PIEZO2: variants seen among roughly 807,000 people sequenced by gnomAD.
The protein encoded by PIEZO2 is piezo type mechanosensitive ion channel component 2, also known as piezo-type mechanosensitive ion channel component 2.
In PIEZO2, 172 loss-of-function variants were observed where a neutral mutation model predicts 337.3. The ratio of observed to expected loss-of-function variants is 0.51; its 90% CI spans 0.45 to 0.58. The LOEUF (loss-of-function observed/expected upper bound fraction) is 0.58. Ranked by LOEUF, PIEZO2 falls within the 20% of genes least tolerant of loss-of-function variation. PIEZO2 has a pLI of 0.00. For synonymous variants in PIEZO2, 1,251 were observed against 1,228.5 expected, an observed-to-expected ratio of 1.02 and a Z score of -0.38; for missense variants, 3,028 against 3,391.3, an observed-to-expected ratio of 0.89 and a Z score of 2.66.
At chr18:10,779,809 T>C (rs1450050092) in intron 18 of PIEZO2, among the ~76,000 whole-genome samples, 5 of 152,128 alleles carry the variant, frequency 3.3e-5, no homozygotes, top group South Asian at 2.1e-4. Flanking sequence ...CTGAGAAGGT[T>C]ATGCCCCTAC....
intron 1 of PIEZO2, among the ~76,000 whole-genome samples, chr18:11,088,158 G>T (rs1430645218): frequency 6.6e-6 from 1 of 152,156 alleles, no homozygotes; most frequent in East Asian, 1.9e-4. Context: ...ATAAGCCCCT[G>T]CAGGCAGAGA....
intron 2 of PIEZO2, among the ~76,000 whole-genome samples, chr18:10,984,981 CCTGTCA>C (rs1374342972): frequency 2.0e-5 from 3 of 152,036 alleles, no homozygotes; most frequent in Non-Finnish European, 2.9e-5. Context: ...GAATACTATA[CCTGTCA>C]AAGCTGTTCT....
intron 7 of PIEZO2, among the ~76,000 whole-genome samples, chr18:10,816,892 T>G (rs1274319696): frequency 6.6e-6 from 1 of 152,088 alleles, no homozygotes. Context: ...CTCACTGCAG[T>G]TTTATTGTAT....
At chr18:10,928,104 G>A (rs1031062252) in intron 3 of PIEZO2, among the ~76,000 whole-genome samples, 3 of 152,132 alleles carry the variant, frequency 2.0e-5, no homozygotes, top group Non-Finnish European at 2.9e-5. Context: ...AAAGCAATAC[G>A]TGAAGGCTCA....
rs1420766277 is a variant in PIEZO2, at chr18:11,002,848, T to A, written c.161-23188A>T. ...CAATAAAATGGCTTTTCTCACACAT[T>A]TTCATGGTCCTCCATGGGCAGGTTC... On this transcript the variant is annotated intron_variant, in intron 2 of 55. Coordinates refer to ENST00000674853, the MANE Select transcript of PIEZO2 (RefSeq NM_001378183.1). This position sits in a 1 kb window ranked among gnomAD's most constrained non-coding sequence, Gnocchi z 4.3. Among the ~76,000 whole-genome samples the A allele has an allele frequency of 1.3e-5, 2 of 152,148 alleles. No homozygotes were observed. Among genetic ancestry groups the A allele is most frequent in the Non-Finnish European group, 2.9e-5 (2 of 68,028 alleles).
At chr18:10,960,175 A>G (rs972985706) in intron 3 of PIEZO2, among the ~76,000 whole-genome samples, 2 of 152,160 alleles carry the variant, frequency 1.3e-5, no homozygotes, top group African/African-American at 2.4e-5. Flanking sequence ...AAAATGCCAA[A>G]CCAACATAGT....
Position 10,720,363 on chromosome 18 carries a change from C to G in PIEZO2, c.5030-2104G>C, listed in dbSNP as rs11661313. On this transcript the variant is annotated intron_variant, in intron 36 of 55. Coordinates refer to ENST00000674853, the MANE Select transcript of PIEZO2 (RefSeq NM_001378183.1). ...CTCATATATATGTCCTATATATATT[C>G]TGTGTGTGTGTGTGTGTGTGTGTGT... 1.4e-3 allele frequency among the ~76,000 whole-genome samples: 78 copies of G among 56,286 alleles called. 1 individual carries two copies. The highest frequency in any genetic ancestry group is 5.0e-3 in the Admixed American group (17 of 3,376). 36.9% of individuals were successfully genotyped at this position (56,286 alleles called of 152,430 possible).
At position 10,866,868 on chromosome 18, in the gene PIEZO2, TA is replaced by T. The variant is rs2042020959; in HGVS notation, c.492+4384del. ...TAATGGCATCTAAAACTACTAGGAG[TA>T]AAACCTTTGTCCAAATTGTGAAAGT... On this transcript the variant is annotated intron_variant, in intron 5 of 55. Coordinates refer to ENST00000674853, the MANE Select transcript of PIEZO2 (RefSeq NM_001378183.1). Among the ~76,000 whole-genome samples the T allele has an allele frequency of 2.0e-5, 3 of 152,238 alleles. No individual in the cohort carries two copies. In the East Asian group the frequency reaches 5.8e-4, roughly 29 times the overall value.
chr18:10,827,458 T>C (rs1411646499), intron 7 of PIEZO2, among the ~76,000 whole-genome samples: 3 of 152,220 alleles, frequency 2.0e-5, no homozygotes, highest in African/African-American at 7.2e-5. Flanking sequence ...TGTTTAATAA[T>C]CAAAATCAAC....
At position 10,766,191 on chromosome 18, in the gene PIEZO2, A is replaced by C. The variant is rs544440488; in HGVS notation, c.2947-3093T>G. ...TGATCTCATCATTTTCCTGATGGTA[A>C]GAATCTCGTGGAAGGAAAGAAGAAG... is the stretch of plus-strand genomic sequence containing the variant. On this transcript the variant is annotated intron_variant, in intron 21 of 55. Transcript: ENST00000674853. This position sits in a 1 kb window ranked among gnomAD's most constrained non-coding sequence, Gnocchi z 6.1. Among the ~76,000 whole-genome samples, 26 of 151,736 alleles carry C rather than the reference A, an allele frequency of 1.7e-4. 3 individuals are homozygous for C. The South Asian group carries it at 5.4e-3, about 32-fold the overall frequency.
chr18:11,099,069 G>T lies in PIEZO2; in HGVS notation c.65-32847C>A, dbSNP rs140225388. Among the ~76,000 whole-genome samples the T allele has an allele frequency of 1.8e-3, 267 of 151,518 alleles. 1 individual carries two copies. The highest frequency in any genetic ancestry group is 3.1e-3 in the Non-Finnish European group (210 of 67,928). ...TCCTCTTGCCTCAGCCTCCCAAAGT[G>T]CTGGGATTACAGGCATCAGCCACTG... On this transcript the variant is annotated intron_variant, in intron 1 of 55. Coordinates refer to ENST00000674853, the MANE Select transcript of PIEZO2 (RefSeq NM_001378183.1). This position sits in a 1 kb window ranked among gnomAD's most constrained non-coding sequence, Gnocchi z 5.4.
chr18:11,123,513 A>G (rs1286466776), intron 1 of PIEZO2, among the ~76,000 whole-genome samples: 2 of 152,162 alleles, frequency 1.3e-5, no homozygotes, highest in African/African-American at 4.8e-5. Context: ...TTTCCTTTTG[A>G]AGAATGTAAA....
chr18:11,079,867 T>C (rs1416161673), intron 1 of PIEZO2, among the ~76,000 whole-genome samples: 1 of 152,236 alleles, frequency 6.6e-6, no homozygotes, highest in African/African-American at 2.4e-5. Flanking sequence ...GGGAATTCTG[T>C]GCAACAGTTA....
At chr18:11,062,828 C>T (rs984787522) in intron 2 of PIEZO2, among the ~76,000 whole-genome samples, 1 of 152,180 alleles carries the variant, frequency 6.6e-6, no homozygotes, top group Non-Finnish European at 1.5e-5. Flanking sequence ...TAAACTAGTT[C>T]AACCATTGTG....
chr18:10,849,059 T>A (rs1474032211), intron 7 of PIEZO2, among the ~76,000 whole-genome samples: 1 of 152,112 alleles, frequency 6.6e-6, no homozygotes, highest in Non-Finnish European at 1.5e-5. Flanking sequence ...TAAGCTGGAG[T>A]GCAGTGACAC....
rs1190672416 is a variant in PIEZO2 at position 11,009,194 on chromosome 18, T to G, written c.161-29534A>C. On this transcript the variant is annotated intron_variant, in intron 2 of 55. Transcript: ENST00000674853. The surrounding 1 kb of genome is among the most constrained non-coding windows in gnomAD (Gnocchi z 4.6). The stretch of plus-strand genomic sequence containing the variant: ...TCTTGCCACGTCACTGTTATTTGCC[T>G]GGGCAGTGTATCCCAAGGACTCTTA... Among the ~76,000 whole-genome samples, 1 of 152,236 alleles carries G rather than the reference T, an allele frequency of 6.6e-6. No homozygotes were observed. The highest frequency in any genetic ancestry group is 1.5e-5 in the Non-Finnish European group (1 of 68,046).
intron 21 of PIEZO2, among the ~76,000 whole-genome samples, chr18:10,764,859 G>C (rs977712524): frequency 6.6e-6 from 1 of 152,200 alleles, no homozygotes; most frequent in Non-Finnish European, 1.5e-5. Context: ...TAACAAAACA[G>C]ATAGATTAGC....
rs1325144534 is a variant in PIEZO2 at position 11,099,189 on chromosome 18, A to G, written c.65-32967T>C. On this transcript the variant is annotated intron_variant, in intron 1 of 55. Transcript: ENST00000674853. This position sits in a 1 kb window ranked among gnomAD's most constrained non-coding sequence, Gnocchi z 5.4. ...GGACTGACATTTCACTATTTTTTACAGTCCTGCATTCAGAAGTCTTATAGA... is the reference window on the plus strand; with the variant it reads ...GGACTGACATTTCACTATTTTTTACGGTCCTGCATTCAGAAGTCTTATAGA... Among the ~76,000 whole-genome samples, 1 of 152,166 alleles carries G rather than the reference A, an allele frequency of 6.6e-6. No individual in the cohort carries two copies. Among genetic ancestry groups the G allele is most frequent in the Non-Finnish European group, 1.5e-5 (1 of 68,020 alleles).
chr18:10,677,993 A>G lies in PIEZO2; in HGVS notation c.7953-118T>C. On this transcript the variant is annotated intron_variant, in intron 52 of 55. Coordinates refer to ENST00000674853, the MANE Select transcript of PIEZO2 (RefSeq NM_001378183.1). This position sits in a 1 kb window ranked among gnomAD's most constrained non-coding sequence, Gnocchi z 4.1. ...TCACCACGTTTTCATTGGGTCCACA[A>G]CGGTCAATCCTGACCCTTTCAGTCT... is the stretch of plus-strand genomic sequence containing the variant. 9.9e-7 allele frequency: 1 copy of G among 1,006,404 alleles called. No homozygotes were observed. The highest frequency in any genetic ancestry group is 1.7e-5 in the South Asian group (1 of 57,566). 62.3% of individuals were successfully genotyped at this position (1,006,404 alleles called of 1,614,324 possible).
Sources: gnomAD v4.1 joint callset for allele counts (sites outside exome capture counted in the v4.1 genomes callset) on GRCh38, gnomAD v4.1.1 for gene constraint, Gnocchi (gnomAD v3.1) non-coding constraint, MANE v1.5 for transcripts, NCBI Gene and HGNC (gene_info 2026-07-23, HGNC 2026-07-21) for gene names.